The following DNAH17 variants were observed in gnomAD, a reference collection of about 807,000 sequenced individuals.
The protein encoded by DNAH17 is dynein axonemal heavy chain 17.
DNAH17 carries 376 observed loss-of-function variants against 485.6 expected under a neutral mutation model. That is an observed-to-expected ratio of 0.77 (90% CI 0.71 to 0.84). The LOEUF is 0.84. Among genes scored for constraint, DNAH17 ranks in the 40% least tolerant of loss-of-function variants. The pLI is 0.00. For missense variants in DNAH17, 6,370 were observed against 5,839.3 expected (o/e 1.09, Z -2.96); for synonymous variants, 3,031 against 2,405.9 (o/e 1.26, Z -7.60).
At chr17:78,427,909 T>C (rs2086531557) in intron 77 of DNAH17, among the ~76,000 whole-genome samples, 1 of 140,484 alleles carries the variant, frequency 7.1e-6, no homozygotes, top group South Asian at 2.2e-4. Context: ...GAGGTTGCAG[T>C]GAGCCGAGAT....
At position 78,437,762 on chromosome 17, in the gene DNAH17, G is replaced by T; in HGVS notation, c.11912C>A (p.Ala3971Asp). 3 of 1,612,536 alleles carry T rather than the reference G, an allele frequency of 1.9e-6. No homozygotes were observed. The highest frequency in any genetic ancestry group is 1.7e-5 in the Admixed American group (1 of 60,000). Residue 3971 changes from alanine (A) to aspartate (D), a missense_variant, in exon 74 of 81, where the codon GCC becomes GAC. By Grantham distance (126) the Ala-to-Asp change is moderately radical. Transcript: ENST00000389840. ...DYRVFISAEP[A>D]PSPETHIIPQ... is the part of the protein sequence containing the mutation. The stretch of plus-strand genomic sequence containing the variant: ...GATGATGTGGGTCTCGGGGCTGGGG[G>T]CAGGCTCCGCGCTGATGAACACCCG...
chr17:78,485,205 G>T, intron 47 of DNAH17, 172 bp from the exon 48 acceptor site: 1 of 796,628 alleles, frequency 1.3e-6, no homozygotes, highest in Non-Finnish European at 1.9e-6. Context: ...ACCGGGTACA[G>T]CCCCAGGAAT....
intron 62 of DNAH17, among the ~76,000 whole-genome samples, chr17:78,457,805 C>T (rs1000144336): frequency 1.4e-4 from 22 of 152,060 alleles, no homozygotes; most frequent in African/African-American, 3.1e-4. Context: ...GGATAACAGG[C>T]GACTGCCACC....
chr17:78,449,859 A>C, intron 68 of DNAH17: 1 of 443,432 alleles, frequency 2.3e-6, no homozygotes, highest in Non-Finnish European at 4.1e-6. Flanking sequence ...TATTTTTAGT[A>C]CAGACAGGGT....
intron 75 of DNAH17, among the ~76,000 whole-genome samples, chr17:78,430,362 C>T (rs76333327): frequency 0.021 from 3,190 of 152,256 alleles, 114 homozygotes; most frequent in African/African-American, 0.073. Flanking sequence ...GAAATCCTGC[C>T]GCTCACAGTC....
intron 69 of DNAH17, among the ~76,000 whole-genome samples, chr17:78,446,508 T>C (rs1484387514): frequency 6.6e-6 from 1 of 152,228 alleles, no homozygotes. Flanking sequence ...CTCCTTCCTC[T>C]GTAAGGCCGA....
In DNAH17 at chr17:78,561,856, G is replaced by A. The variant is rs1445418417; in HGVS notation, c.1694C>T (p.Ala565Val). 6.2e-7 allele frequency: 1 copy of A among 1,613,934 alleles called. No individual in the cohort carries two copies. The highest frequency in any genetic ancestry group is 8.5e-7 in the Non-Finnish European group (1 of 1,179,868). Residue 565 changes from alanine to valine, a missense_variant, in exon 12 of 81, where the codon GCC becomes GTC. By Grantham distance (64) the Ala-to-Val change is moderately conservative. Transcript: ENST00000389840. ...ELDNAKILYD[A>V]QMAASEEGNI... is the part of the protein sequence containing the mutation. ...CCCCTCCTCGGAGGCCGCCATCTGG[G>A]CATCGTACAAGATCTTAGCATTGTC...
Position 78,500,468 on chromosome 17 carries a change from G to A in DNAH17, c.5484-7C>T. ...GGTCAGGGTGATATAGCACCTGCAA[G>A]TGACCACAGGTAAGCGTGTGTGCCA... On this transcript the variant is annotated splice_region_variant and splice_polypyrimidine_tract_variant and intron_variant, in intron 35 of 80. Coordinates refer to ENST00000389840, the MANE Select transcript of DNAH17 (RefSeq NM_173628.4). 1 of 1,561,902 alleles carries A rather than the reference G, an allele frequency of 6.4e-7. No individual in the cohort carries two copies.
intron 74 of DNAH17, among the ~76,000 whole-genome samples, chr17:78,436,963 C>A (rs1391775235): frequency 1.3e-5 from 2 of 152,152 alleles, no homozygotes; most frequent in Non-Finnish European, 2.9e-5. Flanking sequence ...TGAGGACAGA[C>A]CCCAGGCAGA....
chr17:78,440,930 C>A, intron 72 of DNAH17, 121 bp downstream of exon 72: 1 of 1,210,956 alleles, frequency 8.3e-7, no homozygotes, highest in Non-Finnish European at 1.2e-6. Context: ...ATCCTACCGG[C>A]GTGAAGCCGC....
chr17:78,460,905 G>A (rs1476481431), intron 58 of DNAH17, among the ~76,000 whole-genome samples: 2 of 152,140 alleles, frequency 1.3e-5, no homozygotes, highest in African/African-American at 2.4e-5. Context: ...AGGAGACAGT[G>A]GGCCATGACT....
intron 16 of DNAH17, among the ~76,000 whole-genome samples, chr17:78,547,030 C>T (rs1266718211): frequency 6.6e-6 from 1 of 152,204 alleles, no homozygotes; most frequent in African/African-American, 2.4e-5. Context: ...ATGTTTATCA[C>T]CATGGATATG....
At chr17:78,478,761 T>C in intron 51 of DNAH17, 1 of 435,774 alleles carries the variant, frequency 2.3e-6, no homozygotes, top group East Asian at 3.8e-5. Flanking sequence ...ACCATCACTA[T>C]CATCATCACA....
intron 44 of DNAH17, among the ~76,000 whole-genome samples, chr17:78,487,149 C>T (rs541824295): frequency 2.0e-4 from 30 of 152,114 alleles, no homozygotes; most frequent in Non-Finnish European, 2.9e-4. Context: ...CCCACCACGG[C>T]GGTGAGGGGT....
chr17:78,473,559 A>G (rs920129989), intron 54 of DNAH17, among the ~76,000 whole-genome samples: 9 of 151,258 alleles, frequency 6.0e-5, no homozygotes, highest in Admixed American at 5.3e-4. Context: ...AAAAAAAAAA[A>G]AAAAAAGAAA....
intron 37 of DNAH17, chr17:78,496,666 CTTTTTTTTTT>C (rs539881163): frequency 2.0e-5 from 2 of 98,176 alleles, no homozygotes; most frequent in South Asian, 7.4e-4. Flanking sequence ...CCCAGATGGA[CTTTTTTTTTT>C]TTTTTTTTTT....
At chr17:78,564,498 T>C (rs1386691412) in intron 11 of DNAH17, among the ~76,000 whole-genome samples, 1 of 151,802 alleles carries the variant, frequency 6.6e-6, no homozygotes, top group Non-Finnish European at 1.5e-5. Flanking sequence ...TGCCCCATCT[T>C]TAATTTTGGA....
At chr17:78,431,360 C>G (rs75061977) in intron 75 of DNAH17, among the ~76,000 whole-genome samples, 8 of 152,104 alleles carry the variant, frequency 5.3e-5, no homozygotes, top group Non-Finnish European at 1.5e-5. Context: ...CCCTCTCCCC[C>G]TCCTGGCCCC....
chr17:78,439,585 G>C (rs1367370644), intron 72 of DNAH17, among the ~76,000 whole-genome samples: 1 of 151,962 alleles, frequency 6.6e-6, no homozygotes, highest in Non-Finnish European at 1.5e-5. Context: ...TGCACAATAT[G>C]GGGCCTTTGT....
Sources: allele counts gnomAD v4.1 joint callset (sites outside exome capture counted in the v4.1 genomes callset), GRCh38; gene constraint gnomAD v4.1.1; transcripts MANE v1.5; gene names NCBI Gene and HGNC (gene_info 2026-07-23, HGNC 2026-07-21).